Variants in ALKBH3 observed in about 807,000 individuals in gnomAD.
ALKBH3 encodes alkB homolog 3, alpha-ketoglutarate dependent dioxygenase.
ALKBH3 carries 51 observed loss-of-function variants against 43.9 expected under a neutral mutation model. The ratio of observed to expected loss-of-function variants is 1.16; its 90% confidence interval spans 0.93 to 1.47. The LOEUF is 1.47. Ranked by LOEUF, ALKBH3 falls within the 40% of genes most tolerant of loss-of-function variation. The pLI is 0.00. For missense variants in ALKBH3, 361 were observed against 351.9 expected (o/e 1.03, Z -0.21); for synonymous variants, 102 against 115.2 (o/e 0.89, Z 0.73).
chr11:43,896,094 T>G (rs533542386), intron 7 of ALKBH3, among the ~76,000 whole-genome samples: 1 of 152,300 alleles, frequency 6.6e-6, no homozygotes, highest in South Asian at 2.1e-4. Context: ...ACTTGAGTAT[T>G]TGGCAGACAT....
chr11:43,893,021 C>T (rs961980814), intron 7 of ALKBH3, among the ~76,000 whole-genome samples: 2 of 152,172 alleles, frequency 1.3e-5, no homozygotes, highest in African/African-American at 4.8e-5. Flanking sequence ...GATTTTGAAA[C>T]GTGGAGATAA....
At chr11:43,881,851 T>G (rs930497152) in intron 1 of ALKBH3, among the ~76,000 whole-genome samples, 2 of 152,256 alleles carry the variant, frequency 1.3e-5, no homozygotes, top group Non-Finnish European at 2.9e-5. Flanking sequence ...TTGAATTTCC[T>G]TGTTGTTTTG....
intron 8 of ALKBH3, 147 bp downstream of exon 8, chr11:43,901,872 G>T (rs1157605081): frequency 2.9e-6 from 3 of 1,018,800 alleles, no homozygotes; most frequent in Non-Finnish European, 4.2e-6. Flanking sequence ...CTTCCCCATG[G>T]TTAACTTTTG....
intron 7 of ALKBH3, among the ~76,000 whole-genome samples, chr11:43,893,415 G>A (rs1194566466): frequency 1.3e-5 from 2 of 152,190 alleles, no homozygotes; most frequent in Non-Finnish European, 2.9e-5. Flanking sequence ...GATCTGCTGA[G>A]TAAAGTAGCC....
At position 43,920,227 on chromosome 11, in the gene ALKBH3, C is replaced by T. The variant is rs2292889; in HGVS notation, c.*217C>T. 2.4e-5 allele frequency: 12 copies of T among 507,636 alleles called. No homozygotes were observed. Among genetic ancestry groups the T allele is most frequent in the Admixed American group, 1.4e-4 (4 of 29,210 alleles). 31.4% of individuals were successfully genotyped at this position (507,636 alleles called of 1,614,324 possible). A position where few individuals can be genotyped will look rare whatever the true frequency, so the allele number is the denominator to read the frequency against. On this transcript the variant is annotated 3_prime_UTR_variant, in exon 10 of 10. Transcript: ENST00000302708. ...GTTATCCCTAACCACAGCTCAAAATCGCTATCATCTTTAGGCAAATTAAAA... is the reference window on the plus strand; with the variant it reads ...GTTATCCCTAACCACAGCTCAAAATTGCTATCATCTTTAGGCAAATTAAAA...
At chr11:43,886,535 A>G (rs1352638128) in intron 4 of ALKBH3, 71 bp from the exon 5 acceptor site, 15 of 1,507,814 alleles carry the variant, frequency 9.9e-6, no homozygotes, top group African/African-American at 4.1e-5. Flanking sequence ...GTTCAGAAGG[A>G]TAACTCTTCC....
At chr11:43,902,043 A>G (rs532240872) in intron 8 of ALKBH3, among the ~76,000 whole-genome samples, 4 of 152,328 alleles carry the variant, frequency 2.6e-5, no homozygotes, top group South Asian at 4.1e-4. Context: ...AATAATTGCA[A>G]TTGTGATCAA....
rs1951738192 is a variant in ALKBH3 at position 43,885,098 on chromosome 11, G to A, written c.218+1081G>A. 4.6e-5 allele frequency among the ~76,000 whole-genome samples: 7 copies of A among 152,114 alleles called. No individual in the cohort carries two copies. The South Asian group carries it at 1.0e-3, about 22-fold the overall frequency. ...AACAAGTGTGTTAGTGCCTTCATTG[G>A]TGAAGGAGAATAAACAAAACCATGA... On this transcript the variant is annotated intron_variant, in intron 4 of 9. Coordinates refer to ENST00000302708, the MANE Select transcript of ALKBH3 (RefSeq NM_139178.4).
At chr11:43,883,299 G>C (rs1376387487) in intron 3 of ALKBH3, 111 bp downstream of exon 3, 1 of 715,170 alleles carries the variant, frequency 1.4e-6, no homozygotes, top group Non-Finnish European at 2.3e-6. Flanking sequence ...TAATAGCAGA[G>C]CAGAAGAACT....
At chr11:43,895,244 C>T (rs1038093251) in intron 7 of ALKBH3, among the ~76,000 whole-genome samples, 20 of 152,198 alleles carry the variant, frequency 1.3e-4, no homozygotes, top group Non-Finnish European at 5.9e-5. Context: ...ACGCAAGTCT[C>T]ACCTTGAATT....
intron 6 of ALKBH3, among the ~76,000 whole-genome samples, chr11:43,890,482 G>A (rs1390261951): frequency 1.3e-5 from 2 of 152,088 alleles, no homozygotes; most frequent in African/African-American, 2.4e-5. Flanking sequence ...TCTGTAAAGA[G>A]GCAAAGTATA....
chr11:43,890,830 C>T (rs1295103289), intron 6 of ALKBH3, among the ~76,000 whole-genome samples: 1 of 152,082 alleles, frequency 6.6e-6, no homozygotes, highest in African/African-American at 2.4e-5. Flanking sequence ...CGCCACTGCA[C>T]TCCAGCCTGG....
In ALKBH3 at chr11:43,899,527, A is replaced by G. The variant is rs899399265; in HGVS notation, c.460-1989A>G. 18 of 687,856 alleles carry G rather than the reference A, an allele frequency of 2.6e-5. No individual in the cohort carries two copies. The African/African-American group carries it at 3.2e-4, about 12-fold the overall frequency. 42.6% of individuals were successfully genotyped at this position (687,856 alleles called of 1,614,324 possible). A position where few individuals can be genotyped will look rare whatever the true frequency, so the allele number is the denominator to read the frequency against. On this transcript the variant is annotated intron_variant, in intron 7 of 9. Transcript: ENST00000302708. The stretch of plus-strand genomic sequence containing the variant: ...AGTTGAGTGCACCACCACCTTCTCC[A>G]GCCAGTCTCACTCCAGCTCCATGAT...
intron 1 of ALKBH3, among the ~76,000 whole-genome samples, chr11:43,882,324 C>T (rs1483176037): frequency 6.6e-6 from 1 of 152,142 alleles, no homozygotes; most frequent in Non-Finnish European, 1.5e-5. Flanking sequence ...TATAATAGGT[C>T]CTAATTTTAG....
rs375368904 is a variant in ALKBH3, at chr11:43,901,617, C to T, written c.561C>T (p.Ser187=). ...ATCTTTATCGCAATGAGAAGGACAG[C>T]GTGGACTGGCACAGTGATGATGAAC... ...LCNLYRNEKD[S]VDWHSDDEPS... is the part of the protein sequence containing the mutation. The change falls in exon 8 of 10, where the codon AGC becomes AGT. Residue 187 remains serine (S), a synonymous_variant. Coordinates refer to ENST00000302708, the MANE Select transcript of ALKBH3 (RefSeq NM_139178.4). 11 of 1,614,232 alleles carry T rather than the reference C, an allele frequency of 6.8e-6. No homozygotes were observed. In the East Asian group the frequency reaches 8.9e-5, roughly 13 times the overall value.
intron 7 of ALKBH3, among the ~76,000 whole-genome samples, chr11:43,893,175 A>G (rs1437358973): frequency 6.6e-6 from 1 of 152,204 alleles, no homozygotes; most frequent in Non-Finnish European, 1.5e-5. Flanking sequence ...TTAATCTTTT[A>G]AAACAAGATT....
At chr11:43,909,221 A>G (rs374227586) in intron 8 of ALKBH3, 20 of 152,348 alleles carry the variant, frequency 1.3e-4, no homozygotes, top group African/African-American at 4.8e-4. Flanking sequence ...AATGTACTTC[A>G]GATCGATGCT....
At chr11:43,883,005 G>A in intron 2 of ALKBH3, 80 bp from the exon 3 acceptor site, 2 of 1,133,616 alleles carry the variant, frequency 1.8e-6, no homozygotes, top group Non-Finnish European at 2.6e-6. Context: ...CTCCAAGTGG[G>A]CTTTATTGGC....
At chr11:43,882,010 G>T (rs1006705619) in intron 1 of ALKBH3, among the ~76,000 whole-genome samples, 1 of 152,190 alleles carries the variant, frequency 6.6e-6, no homozygotes, top group Non-Finnish European at 1.5e-5. Context: ...GTCTGTTGTT[G>T]ATTTCCTGAG....
Sources: gnomAD v4.1 joint callset for allele counts (sites outside exome capture counted in the v4.1 genomes callset) on GRCh38, gnomAD v4.1.1 for gene constraint, MANE v1.5 for transcripts, NCBI Gene and HGNC (gene_info 2026-07-23, HGNC 2026-07-21) for gene names.